Variants in ANKRD30B observed in about 807,000 individuals in gnomAD.
The protein encoded by ANKRD30B is ankyrin repeat domain-containing protein 30B.
ANKRD30B carries 144 observed loss-of-function variants against 202.2 expected under a neutral mutation model. The ratio of observed to expected loss-of-function variants is 0.71; its 90% CI spans 0.62 to 0.82. ANKRD30B has a LOEUF of 0.82. Among genes scored for constraint, ANKRD30B ranks in the 40% least tolerant of loss-of-function variants. The pLI is 0.00. For synonymous variants in ANKRD30B, 508 were observed against 561.3 expected, an observed-to-expected ratio of 0.91 and a Z score of 1.34; for missense variants, 1,487 against 1,669.1, an observed-to-expected ratio of 0.89 and a Z score of 1.90.
intron 14 of ANKRD30B, among the ~76,000 whole-genome samples, chr18:14,786,686 C>T (rs535911152): frequency 6.6e-6 from 1 of 152,130 alleles, no homozygotes; most frequent in Non-Finnish European, 1.5e-5. Context: ...TAAAAATTTA[C>T]AAAGAAATGA....
At chr18:14,852,500 A>G (rs1971935326) in intron 42 of ANKRD30B, 80 bp downstream of exon 42, 1 of 1,412,398 alleles carries the variant, frequency 7.1e-7, no homozygotes. Flanking sequence ...CTAGTTGAAT[A>G]TATATATATA....
intron 33 of ANKRD30B, among the ~76,000 whole-genome samples, chr18:14,829,714 T>C (rs1263674835): frequency 6.6e-6 from 1 of 152,150 alleles, no homozygotes; most frequent in African/African-American, 2.4e-5. Flanking sequence ...GCTTGTTTAA[T>C]TGGAGGAATG....
At chr18:14,913,235 G>A in the ANKRD30B span, among the ~76,000 whole-genome samples, 7 of 152,152 alleles carry the variant, frequency 4.6e-5, no homozygotes, top group Non-Finnish European at 7.3e-5. Context: ...AGTTACCCAG[G>A]GTTAGCTATT....
intron 18 of ANKRD30B, among the ~76,000 whole-genome samples, chr18:14,797,351 G>T (rs78271606): frequency 0.011 from 1,687 of 152,232 alleles, 20 homozygotes; most frequent in Middle Eastern, 0.02. Context: ...CTCTGCAGGG[G>T]GAAGCACATC....
the ANKRD30B span, among the ~76,000 whole-genome samples, chr18:14,891,708 A>T: frequency 6.6e-6 from 1 of 152,164 alleles, no homozygotes; most frequent in Non-Finnish European, 1.5e-5. Flanking sequence ...TATGATGTTG[A>T]TGCATTCATG....
the ANKRD30B span, chr18:14,905,312 A>G: frequency 2.0e-5 from 3 of 152,224 alleles, no homozygotes; most frequent in Admixed American, 1.3e-4. Flanking sequence ...CACAAGTCCA[A>G]GAGTCCTCCC....
rs1968910649 is a variant in ANKRD30B, at chr18:14,796,553, C to A, written c.1927+138C>A. ...TTGAAACAAATAATGCCAATGTTAGCATTTATGTTTGAGAAAATGCCATTT... is the reference window on the plus strand; with the variant it reads ...TTGAAACAAATAATGCCAATGTTAGAATTTATGTTTGAGAAAATGCCATTT... On this transcript the variant is annotated intron_variant, in intron 18 of 43. Coordinates refer to ENST00000690538, the MANE Select transcript of ANKRD30B (RefSeq NM_001367607.2). 3.4e-6 allele frequency: 4 copies of A among 1,163,026 alleles called. No homozygotes were observed. In the African/African-American group the frequency reaches 4.7e-5, roughly 14 times the overall value. The allele number at this position is 1,163,026 out of a possible 1,614,324, so 72.0% of individuals were successfully genotyped here. A position where few individuals can be genotyped will look rare whatever the true frequency, so the allele number is the denominator to read the frequency against.
At chr18:14,755,358 A>G (rs1342421516) in intron 4 of ANKRD30B, among the ~76,000 whole-genome samples, 2 of 151,646 alleles carry the variant, frequency 1.3e-5, no homozygotes, top group Non-Finnish European at 2.9e-5. Flanking sequence ...GTTTTATAGT[A>G]TTTTTCTAAC....
the ANKRD30B span, among the ~76,000 whole-genome samples, chr18:14,870,383 A>C: frequency 6.6e-6 from 1 of 152,132 alleles, no homozygotes; most frequent in South Asian, 2.1e-4. Context: ...TGTGCCCTCC[A>C]CCAGCACTGA....
At chr18:14,773,806 C>G (rs544334934) in intron 9 of ANKRD30B, among the ~76,000 whole-genome samples, 13 of 152,104 alleles carry the variant, frequency 8.5e-5, no homozygotes, top group Non-Finnish European at 1.6e-4. Flanking sequence ...CAGGCGCATG[C>G]CACAATGCAC....
chr18:14,799,818 C>G (rs1463788294), intron 22 of ANKRD30B, among the ~76,000 whole-genome samples: 1 of 151,962 alleles, frequency 6.6e-6, no homozygotes, highest in African/African-American at 2.4e-5. Flanking sequence ...TACACTGTTT[C>G]AGAAGTGTGA....
the ANKRD30B span, among the ~76,000 whole-genome samples, chr18:14,890,423 A>G: frequency 1.3e-5 from 2 of 151,792 alleles, no homozygotes; most frequent in South Asian, 4.2e-4. Flanking sequence ...TTGAACTCAT[A>G]CCACATGCCA....
At chr18:14,832,690 A>C (rs997820093) in intron 34 of ANKRD30B, among the ~76,000 whole-genome samples, 2 of 152,218 alleles carry the variant, frequency 1.3e-5, no homozygotes, top group African/African-American at 4.8e-5. Flanking sequence ...TAATATGCAT[A>C]ATATACCTTA....
the ANKRD30B span, among the ~76,000 whole-genome samples, chr18:14,882,821 A>G: frequency 6.6e-6 from 1 of 151,634 alleles, no homozygotes; most frequent in Non-Finnish European, 1.5e-5. Flanking sequence ...GGATTGTCAT[A>G]TTTTTCTGTT....
the ANKRD30B span, chr18:14,909,848 A>AATACTAGC: frequency 7.9e-5 from 12 of 152,152 alleles, no homozygotes; most frequent in Non-Finnish European, 1.6e-4. Context: ...CAAAGCACAC[A>AATACTAGC]ATACTAGCAT....
the ANKRD30B span, among the ~76,000 whole-genome samples, chr18:14,875,646 G>A: frequency 6.6e-6 from 1 of 152,136 alleles, no homozygotes; most frequent in Non-Finnish European, 1.5e-5. Flanking sequence ...CCTTTGAATT[G>A]AATGAAATGT....
intron 36 of ANKRD30B, among the ~76,000 whole-genome samples, chr18:14,838,521 T>G (rs180959885): frequency 2.0e-5 from 3 of 152,334 alleles, no homozygotes; most frequent in Admixed American, 2.0e-4. Context: ...GGACATTTTT[T>G]TTTCACAAAT....
At chr18:14,868,271 C>A in the ANKRD30B span, among the ~76,000 whole-genome samples, 2 of 152,288 alleles carry the variant, frequency 1.3e-5, no homozygotes, top group Non-Finnish European at 2.9e-5. Context: ...GTACCACAGG[C>A]CTCAGTGATG....
chr18:14,915,754 T>G, the ANKRD30B span: 1 of 152,198 alleles, frequency 6.6e-6, no homozygotes, highest in Non-Finnish European at 1.5e-5. Context: ...TTGTGTTAGA[T>G]TTCAAGCACA....
Sources: gnomAD v4.1 joint callset for allele counts (sites outside exome capture counted in the v4.1 genomes callset) on GRCh38, gnomAD v4.1.1 for gene constraint, MANE v1.5 for transcripts, NCBI Gene and HGNC (gene_info 2026-07-23, HGNC 2026-07-21) for gene names.